Variants in HIPK2 observed in about 807,000 individuals in gnomAD.
HIPK2 encodes homeodomain-interacting protein kinase 2.
A neutral mutation model predicts 113.7 loss-of-function variants in HIPK2; 27 were observed. The ratio of observed to expected loss-of-function variants is 0.24; its 90% confidence interval spans 0.17 to 0.33. The LOEUF is 0.33. Ranked by LOEUF, HIPK2 falls within the 10% of genes least tolerant of loss-of-function variation. The probability of loss-of-function intolerance (pLI) is 1.00; values close to 1 mark genes in which losing one functional copy is unlikely to be tolerated. For missense variants in HIPK2, 1,257 were observed against 1,588.0 expected, an observed-to-expected ratio of 0.79 and a Z score of 3.54; for synonymous variants, 631 against 642.2, an observed-to-expected ratio of 0.98 and a Z score of 0.26.
In HIPK2 at chr7:139,714,131, C is replaced by T. The variant is rs1795150150; in HGVS notation, c.1103+1801G>A. 6.6e-6 allele frequency among the ~76,000 whole-genome samples: 1 copy of T among 152,090 alleles called. No individual in the cohort carries two copies. Among genetic ancestry groups the T allele is most frequent in the Non-Finnish European group, 1.5e-5 (1 of 68,020 alleles). On this transcript the variant is annotated intron_variant, in intron 2 of 14. Coordinates refer to ENST00000406875, the MANE Select transcript of HIPK2 (RefSeq NM_022740.5). The surrounding 1 kb of genome is among the most constrained non-coding windows in gnomAD (Gnocchi z 4.2). ...AGTAGACCCGTCTGTCCGCACGGGGCCTGGTGGTGAAAGCACAGGCCTGTG... is the reference window on the plus strand; with the variant it reads ...AGTAGACCCGTCTGTCCGCACGGGGTCTGGTGGTGAAAGCACAGGCCTGTG...
intron 1 of HIPK2, among the ~76,000 whole-genome samples, chr7:139,777,397 C>T (rs1266026007): frequency 6.6e-6 from 1 of 151,924 alleles, no homozygotes; most frequent in Non-Finnish European, 1.5e-5. Context: ...GCGCCCCCGG[C>T]CCCTCTCCCC....
At chr7:139,698,739 C>T (rs1794628648) in intron 2 of HIPK2, among the ~76,000 whole-genome samples, 1 of 152,224 alleles carries the variant, frequency 6.6e-6, no homozygotes, top group East Asian at 1.9e-4. Flanking sequence ...TAATCCTTAC[C>T]ACCCACCCCG....
intron 2 of HIPK2, among the ~76,000 whole-genome samples, chr7:139,648,737 T>A (rs1801339576): frequency 6.6e-6 from 1 of 151,864 alleles, no homozygotes; most frequent in Admixed American, 6.6e-5. Context: ...CTCTTGGGAT[T>A]GTCTTGCTTG....
chr7:139,702,649 A>G (rs954860793), intron 2 of HIPK2, among the ~76,000 whole-genome samples: 31 of 152,202 alleles, frequency 2.0e-4, no homozygotes, highest in Non-Finnish European at 4.0e-4. Flanking sequence ...ATTACAGGGA[A>G]AACCATGATG....
At chr7:139,717,710 GA>G (rs373452724) in intron 1 of HIPK2, among the ~76,000 whole-genome samples, 7 of 151,804 alleles carry the variant, frequency 4.6e-5, no homozygotes, top group African/African-American at 1.7e-4. Context: ...CATTTCTCTA[GA>G]AAGTACTATT....
chr7:139,769,783 T>C (rs1796616593), intron 1 of HIPK2, among the ~76,000 whole-genome samples: 1 of 152,210 alleles, frequency 6.6e-6, no homozygotes, highest in Admixed American at 6.5e-5. Context: ...AGTACATCAC[T>C]GTAACAAGCA....
chr7:139,675,557 T>C (rs1802468413), intron 2 of HIPK2, among the ~76,000 whole-genome samples: 1 of 152,182 alleles, frequency 6.6e-6, no homozygotes, highest in Non-Finnish European at 1.5e-5. Flanking sequence ...CAAGAATGCA[T>C]GGTTCTGACC....
intron 1 of HIPK2, among the ~76,000 whole-genome samples, chr7:139,726,922 A>G (rs1795594589): frequency 6.6e-6 from 1 of 152,246 alleles, no homozygotes; most frequent in Non-Finnish European, 1.5e-5. Context: ...TGCTGACGGT[A>G]AGAGCACAGG....
chr7:139,689,920 G>C (rs1045135245), intron 2 of HIPK2, among the ~76,000 whole-genome samples: 1 of 152,116 alleles, frequency 6.6e-6, no homozygotes, highest in Admixed American at 6.5e-5. Flanking sequence ...GCCTGTGAGG[G>C]GGAAAGACGC....
chr7:139,653,085 G>C (rs562008431), intron 2 of HIPK2, among the ~76,000 whole-genome samples: 103 of 84,446 alleles, frequency 1.2e-3, no homozygotes, highest in Middle Eastern at 5.7e-3. Context: ...GTTGCAGTGA[G>C]CCGAGATCAC....
chr7:139,635,595 A>T (rs1800783502), intron 2 of HIPK2, among the ~76,000 whole-genome samples: 1 of 152,120 alleles, frequency 6.6e-6, no homozygotes, highest in Admixed American at 6.5e-5. Context: ...AATGGCAGCC[A>T]TTCACGGTAC....
At chr7:139,596,662 C>G (rs551583897) in intron 12 of HIPK2, 55 bp downstream of exon 12, 1 of 1,581,436 alleles carries the variant, frequency 6.3e-7, no homozygotes, top group African/African-American at 1.3e-5. Context: ...CAGATCTGCA[C>G]ACAATGCAAA....
chr7:139,696,889 C>T (rs1794582774), intron 2 of HIPK2, among the ~76,000 whole-genome samples: 1 of 152,126 alleles, frequency 6.6e-6, no homozygotes, highest in African/African-American at 2.4e-5. Context: ...TGGATTTCAT[C>T]TAATCCTTAA....
intron 2 of HIPK2, among the ~76,000 whole-genome samples, chr7:139,686,233 G>A (rs1794214155): frequency 6.6e-6 from 1 of 152,240 alleles, no homozygotes; most frequent in East Asian, 1.9e-4. Flanking sequence ...AGAAAGAGAA[G>A]TGGAGCTGAA....
chr7:139,688,673 T>C (rs1465288511), intron 2 of HIPK2, among the ~76,000 whole-genome samples: 1 of 152,214 alleles, frequency 6.6e-6, no homozygotes, highest in Non-Finnish European at 1.5e-5. Flanking sequence ...CACAGGATAA[T>C]ATTTGTTATC....
chr7:139,729,167 C>CA (rs1206659413), intron 1 of HIPK2, among the ~76,000 whole-genome samples: 3 of 151,504 alleles, frequency 2.0e-5, no homozygotes, highest in East Asian at 1.9e-4. Context: ...CTACAAAAAA[C>CA]AAAAAAAATT....
intron 2 of HIPK2, among the ~76,000 whole-genome samples, chr7:139,706,277 G>A (rs1219818001): frequency 6.6e-6 from 1 of 152,226 alleles, no homozygotes; most frequent in Non-Finnish European, 1.5e-5. Context: ...GGTGAGATGT[G>A]TACGTTCCCC....
chr7:139,710,830 C>T (rs971934029), intron 2 of HIPK2, among the ~76,000 whole-genome samples: 4 of 152,042 alleles, frequency 2.6e-5, no homozygotes, highest in Non-Finnish European at 4.4e-5. Context: ...TGAGTTCTCA[C>T]GAGATTTGGT....
chr7:139,671,316 T>C (rs141033315), intron 2 of HIPK2, among the ~76,000 whole-genome samples: 6 of 152,360 alleles, frequency 3.9e-5, no homozygotes, highest in Admixed American at 6.5e-5. Flanking sequence ...ATAGTAATTA[T>C]ACCAAAGACA....
Sources: allele counts gnomAD v4.1 joint callset (sites outside exome capture counted in the v4.1 genomes callset), GRCh38; gene constraint gnomAD v4.1.1; non-coding constraint Gnocchi (gnomAD v3.1); transcripts MANE v1.5; gene names NCBI Gene and HGNC (gene_info 2026-07-23, HGNC 2026-07-21).